The following KIFAP3 variants were observed in gnomAD, a reference collection of about 807,000 sequenced individuals.
KIFAP3 encodes kinesin associated protein 3.
Under a neutral mutation model 106.5 loss-of-function variants are expected in KIFAP3, and 68 were observed. That is an observed-to-expected ratio of 0.64 (90% CI 0.53 to 0.78). KIFAP3 has a LOEUF of 0.78. Among genes scored for constraint, KIFAP3 ranks in the 30% least tolerant of loss-of-function variants. KIFAP3 has a pLI of 0.00. For synonymous variants in KIFAP3, 320 were observed against 311.5 expected (o/e 1.03, Z -0.29); for missense variants, 780 against 941.8 (o/e 0.83, Z 2.25).
intron 18 of KIFAP3, among the ~76,000 whole-genome samples, chr1:169,957,408 G>A (rs921857789): frequency 6.6e-6 from 1 of 152,048 alleles, no homozygotes; most frequent in Admixed American, 6.6e-5. Flanking sequence ...AGATGATAAA[G>A]GCAGTTATGA....
intron 3 of KIFAP3, among the ~76,000 whole-genome samples, chr1:170,045,106 C>T (rs1670175953): frequency 6.6e-6 from 1 of 152,134 alleles, no homozygotes; most frequent in Admixed American, 6.5e-5. Flanking sequence ...TTTACCAAGG[C>T]TTTGACTGGA....
intron 1 of KIFAP3, among the ~76,000 whole-genome samples, chr1:170,059,209 A>G (rs1448626940): frequency 6.6e-6 from 1 of 151,724 alleles, no homozygotes; most frequent in Admixed American, 6.6e-5. Context: ...AAAAAAATCA[A>G]TGAACCCAGG....
chr1:169,969,808 C>T (rs189310032), intron 17 of KIFAP3, among the ~76,000 whole-genome samples: 1 of 152,012 alleles, frequency 6.6e-6, no homozygotes, highest in Non-Finnish European at 1.5e-5. Context: ...AATGCCAGTT[C>T]ACATGTTTAG....
rs184009269 is a variant in KIFAP3 at position 169,937,465 on chromosome 1, T to C, written c.2274-15684A>G. ...GCTATTTTTATCATTTATTGACTAC[T>C]AACAGACCATTAGTTATAACCTGGT... is the stretch of plus-strand genomic sequence containing the variant. On this transcript the variant is annotated intron_variant, in intron 19 of 19. Coordinates refer to ENST00000361580, the MANE Select transcript of KIFAP3 (RefSeq NM_014970.4). 1.1e-4 allele frequency among the ~76,000 whole-genome samples: 17 copies of C among 151,934 alleles called. No homozygotes were observed. In the East Asian group the frequency reaches 3.3e-3, roughly 29 times the overall value.
intron 10 of KIFAP3, among the ~76,000 whole-genome samples, chr1:170,012,500 T>G (rs1282643169): frequency 6.6e-6 from 1 of 152,170 alleles, no homozygotes; most frequent in East Asian, 1.9e-4. Context: ...TTCAAGATAT[T>G]AAAGTAAATT....
intron 1 of KIFAP3, among the ~76,000 whole-genome samples, chr1:170,067,007 A>G (rs961339064): frequency 6.6e-6 from 1 of 152,138 alleles, no homozygotes; most frequent in African/African-American, 2.4e-5. Context: ...AAAAAACTAG[A>G]TAATTTTTTT....
intron 5 of KIFAP3, among the ~76,000 whole-genome samples, chr1:170,037,542 C>T (rs1401954215): frequency 6.6e-6 from 1 of 150,688 alleles, no homozygotes; most frequent in Non-Finnish European, 1.5e-5. Flanking sequence ...TCAGCCTGAC[C>T]AATACGGTGA....
chr1:170,046,770 A>G lies in KIFAP3; in HGVS notation c.261T>C (p.Asn87=). The change falls in exon 3 of 20, where the codon AAT becomes AAC. Residue 87 remains asparagine (N), a synonymous_variant. Transcript: ENST00000361580. The stretch of plus-strand genomic sequence containing the variant: ...GATAGTACAACAGCTGTTCTACCTC[A>G]TTTAGTTTTGAAGGATGAATGAGTT... ...ECKLIHPSKL[N]EVEQLLYYLQ... The G allele has an allele frequency of 1.2e-6, 2 of 1,608,860 alleles. No individual in the cohort carries two copies. The highest frequency in any genetic ancestry group is 2.2e-5 in the East Asian group (1 of 44,498).
intron 17 of KIFAP3, among the ~76,000 whole-genome samples, chr1:169,963,742 C>T (rs887519843): frequency 6.6e-6 from 1 of 152,136 alleles, no homozygotes; most frequent in Non-Finnish European, 1.5e-5. Context: ...AATCTGCCTG[C>T]CTCGGCCTCC....
chr1:170,074,362 A>C, intron 1 of KIFAP3, 74 bp downstream of exon 1: 1 of 1,520,818 alleles, frequency 6.6e-7, no homozygotes, highest in South Asian at 1.2e-5. Flanking sequence ...GCCCAGTGAC[A>C]TCTCACAGCC....
intron 1 of KIFAP3, among the ~76,000 whole-genome samples, chr1:170,057,138 A>C (rs1670894408): frequency 6.6e-6 from 1 of 152,100 alleles, no homozygotes. Flanking sequence ...CCAGTACTGG[A>C]CTTTTTATAA....
intron 9 of KIFAP3, among the ~76,000 whole-genome samples, chr1:170,017,705 G>A (rs1571673152): frequency 1.3e-5 from 2 of 152,138 alleles, no homozygotes; most frequent in African/African-American, 2.4e-5. Context: ...GGTCAGATGC[G>A]TTCCTAGACC....
chr1:170,046,741 T>C lies in KIFAP3; in HGVS notation c.290A>G (p.Gln97Arg). The stretch of plus-strand genomic sequence containing the variant: ...TCCTGACAATGAATCACGGCGGTTC[T>C]GTAGATAGTACAACAGCTGTTCTAC... Reference protein sequence around the residue: ...NEVEQLLYYLQNRRDSLSGKE... With the variant: ...NEVEQLLYYLRNRRDSLSGKE... The change falls in exon 3 of 20, where the codon CAG becomes CGG. Residue 97 changes from glutamine to arginine, a missense_variant. By Grantham distance (43) the Gln-to-Arg change is conservative. Transcript: ENST00000361580. The C allele has an allele frequency of 1.9e-6, 3 of 1,589,274 alleles. No homozygotes were observed. Among genetic ancestry groups the C allele is most frequent in the Non-Finnish European group, 2.6e-6 (3 of 1,166,072 alleles).
At chr1:169,934,356 T>C (rs1020839955) in intron 19 of KIFAP3, among the ~76,000 whole-genome samples, 1 of 152,300 alleles carries the variant, frequency 6.6e-6, no homozygotes, top group Admixed American at 6.5e-5. Context: ...TTAGATTTTA[T>C]GTCATGATTG....
At chr1:169,996,461 C>T (rs1223582625) in intron 10 of KIFAP3, among the ~76,000 whole-genome samples, 1 of 152,116 alleles carries the variant, frequency 6.6e-6, no homozygotes, top group Admixed American at 6.6e-5. Flanking sequence ...GGTATTGTTC[C>T]TATTGCATGT....
At chr1:169,989,318 G>C (rs1331404649) in intron 11 of KIFAP3, among the ~76,000 whole-genome samples, 2 of 146,388 alleles carry the variant, frequency 1.4e-5, no homozygotes, top group African/African-American at 4.9e-5. Flanking sequence ...ATCCTTCTTG[G>C]TTTGCATTTA....
rs755265743 is a variant in KIFAP3, at chr1:169,961,045, C to T, written c.2173+1G>A. 2 of 1,610,450 alleles carry T rather than the reference C, an allele frequency of 1.2e-6. No homozygotes were observed. The highest frequency in any genetic ancestry group is 1.7e-6 in the Non-Finnish European group (2 of 1,178,304). ...CTGTTTACTTTCGCTTTGGTTATCA[C>T]CTGAGTTGTAGAAAAGGTCAGGTCT... is the stretch of plus-strand genomic sequence containing the variant. On this transcript the variant is annotated splice_donor_variant, in intron 18 of 19. Coordinates refer to ENST00000361580, the MANE Select transcript of KIFAP3 (RefSeq NM_014970.4). LOFTEE classifies it high-confidence loss of function.
At chr1:170,051,780 A>T (rs1670588425) in intron 2 of KIFAP3, among the ~76,000 whole-genome samples, 1 of 152,156 alleles carries the variant, frequency 6.6e-6, no homozygotes, top group Non-Finnish European at 1.5e-5. Context: ...GAAGTAAAGA[A>T]GTTCTTTGAA....
intron 1 of KIFAP3, among the ~76,000 whole-genome samples, chr1:170,084,444 A>C (rs1225754277): frequency 6.6e-6 from 1 of 152,238 alleles, no homozygotes; most frequent in Non-Finnish European, 1.5e-5. Flanking sequence ...TTCAAGGAGC[A>C]CATGAACTAG....
Sources: gnomAD v4.1 joint callset for allele counts (sites outside exome capture counted in the v4.1 genomes callset) on GRCh38, gnomAD v4.1.1 for gene constraint, MANE v1.5 for transcripts, NCBI Gene and HGNC (gene_info 2026-07-23, HGNC 2026-07-21) for gene names.